RTL4: variants seen among roughly 807,000 people sequenced by gnomAD.
The protein encoded by RTL4 is retrotransposon Gag like 4.
A neutral mutation model predicts 5.3 loss-of-function variants in RTL4; 4 were observed. The observed-to-expected ratio is 0.75, with a 90% CI of 0.37 to 1.72. The LOEUF (loss-of-function observed/expected upper bound fraction) is 1.72, where lower values mean the gene tolerates loss of function less well. RTL4 is among the 40% of genes most tolerant of loss of function. The probability of loss-of-function intolerance (pLI) is 0.04; values close to 1 mark genes in which losing one functional copy is unlikely to be tolerated. For missense variants in RTL4, 260 were observed against 227.1 expected, an observed-to-expected ratio of 1.14 and a Z score of -0.93; for synonymous variants, 98 against 87.3, an observed-to-expected ratio of 1.12 and a Z score of -0.68.
the RTL4 span, among the ~76,000 whole-genome samples, chrX:112,100,064 T>C: frequency 8.9e-6 from 1 of 111,825 alleles, no homozygotes; most frequent in African/African-American, 3.2e-5. Flanking sequence ...GAGACATTCA[T>C]CTAGGCAGTT....
At chrX:112,387,824 C>T in the RTL4 span, among the ~76,000 whole-genome samples, 1 of 111,527 alleles carries the variant, frequency 9.0e-6, no homozygotes, top group Non-Finnish European at 1.9e-5. Flanking sequence ...TTTGTATATC[C>T]CCATAGTATA....
At chrX:112,401,723 C>T in the RTL4 span, among the ~76,000 whole-genome samples, 1 of 111,518 alleles carries the variant, frequency 9.0e-6, no homozygotes, top group Admixed American at 9.5e-5. Flanking sequence ...GCTGCCTTCA[C>T]CTCAAATTTG....
At chrX:112,109,154 C>G in the RTL4 span, among the ~76,000 whole-genome samples, 1 of 111,791 alleles carries the variant, frequency 8.9e-6, no homozygotes, top group African/African-American at 3.3e-5. Context: ...TTCTTTAGCA[C>G]TGGTAAAGGT....
the RTL4 span, among the ~76,000 whole-genome samples, chrX:112,319,586 GTAATTAAGA>G: frequency 9.0e-6 from 1 of 111,391 alleles, no homozygotes; most frequent in East Asian, 2.8e-4. Context: ...AACTGCCACC[GTAATTAAGA>G]CATGAGACAT....
the RTL4 span, among the ~76,000 whole-genome samples, chrX:112,380,645 G>C: frequency 3.6e-5 from 4 of 112,331 alleles, no homozygotes; most frequent in African/African-American, 1.3e-4. Flanking sequence ...CGCATGGCTA[G>C]AGAAACTTCC....
chrX:112,362,786 G>A, the RTL4 span, among the ~76,000 whole-genome samples: 2 of 111,028 alleles, frequency 1.8e-5, no homozygotes, highest in South Asian at 7.7e-4. Context: ...GTCTAGGGTA[G>A]TCAACCATCC....
the RTL4 span, among the ~76,000 whole-genome samples, chrX:112,342,823 C>T: frequency 3.0e-4 from 33 of 111,809 alleles, no homozygotes; most frequent in Non-Finnish European, 5.1e-4. Flanking sequence ...TACTTTTAGC[C>T]GGACGTGGTG....
chrX:112,222,833 C>T, the RTL4 span, among the ~76,000 whole-genome samples: 68 of 112,608 alleles, frequency 6.0e-4, no homozygotes, highest in Non-Finnish European at 1.1e-3. Flanking sequence ...AGATCCCCTG[C>T]CCCTGGTATA....
the RTL4 span, among the ~76,000 whole-genome samples, chrX:112,322,027 A>G: frequency 8.9e-6 from 1 of 112,264 alleles, no homozygotes; most frequent in Non-Finnish European, 1.9e-5. Flanking sequence ...TATTTTTTCC[A>G]GAGTAGACTA....
At chrX:112,369,009 C>T in the RTL4 span, among the ~76,000 whole-genome samples, 1 of 112,877 alleles carries the variant, frequency 8.9e-6, no homozygotes, top group East Asian at 2.8e-4. Context: ...CATCTGCAAA[C>T]TTATTCTGAT....
the RTL4 span, among the ~76,000 whole-genome samples, chrX:112,245,828 G>T: frequency 8.9e-6 from 1 of 112,366 alleles, no homozygotes; most frequent in Non-Finnish European, 1.9e-5. Flanking sequence ...CCCCATCTTT[G>T]TGGTTTTATC....
At chrX:112,373,549 G>A in the RTL4 span, among the ~76,000 whole-genome samples, 1 of 110,456 alleles carries the variant, frequency 9.1e-6, no homozygotes, top group African/African-American at 3.3e-5. Context: ...TCACTTTGTG[G>A]CTTGTTTCTT....
the RTL4 span, among the ~76,000 whole-genome samples, chrX:112,243,532 C>T: frequency 4.4e-3 from 489 of 111,357 alleles, 6 homozygotes; most frequent in African/African-American, 0.015. Context: ...TCTGTAGGAT[C>T]GGTAGTGATA....
chrX:112,266,915 T>C, the RTL4 span, among the ~76,000 whole-genome samples: 5 of 111,459 alleles, frequency 4.5e-5, no homozygotes, highest in Non-Finnish European at 9.4e-5. Context: ...TCTTCTTTCA[T>C]GTTACTGTGA....
At chrX:112,321,738 A>G in the RTL4 span, among the ~76,000 whole-genome samples, 5 of 111,430 alleles carry the variant, frequency 4.5e-5, no homozygotes, top group Non-Finnish European at 9.4e-5. Flanking sequence ...GGATGGAGAG[A>G]TTGGTAAATT....
the RTL4 span, among the ~76,000 whole-genome samples, chrX:112,179,854 C>G: frequency 1.8e-5 from 2 of 111,895 alleles, no homozygotes; most frequent in Admixed American, 1.9e-4. Flanking sequence ...AGTATAGCAG[C>G]AAACTAGCAC....
chrX:112,298,858 A>T, the RTL4 span, among the ~76,000 whole-genome samples: 3 of 112,596 alleles, frequency 2.7e-5, no homozygotes, highest in African/African-American at 9.7e-5. Flanking sequence ...ACCTTTCCTT[A>T]TACTTCTTGT....
the RTL4 span, among the ~76,000 whole-genome samples, chrX:112,214,099 C>A: frequency 9.0e-6 from 1 of 111,389 alleles, no homozygotes; most frequent in Non-Finnish European, 1.9e-5. Flanking sequence ...ACTATAGGCA[C>A]AATGCTGTAT....
chrX:112,321,166 A>T, the RTL4 span, among the ~76,000 whole-genome samples: 1 of 111,865 alleles, frequency 8.9e-6, no homozygotes, highest in Non-Finnish European at 1.9e-5. Context: ...GAAAAAAATT[A>T]AAATGGCTAT....
Sources: gnomAD v4.1 joint callset for allele counts (sites outside exome capture counted in the v4.1 genomes callset) on GRCh38, gnomAD v4.1.1 for gene constraint, MANE v1.5 for transcripts, NCBI Gene and HGNC (gene_info 2026-07-23, HGNC 2026-07-21) for gene names.